Variants in RALYL observed in about 807,000 individuals in gnomAD.
The protein encoded by RALYL is RALY RNA binding protein like.
RALYL carries 29 observed loss-of-function variants against 35.1 expected under a neutral mutation model. That is an observed-to-expected ratio of 0.83 (90% CI 0.61 to 1.13). The LOEUF is 1.13. RALYL is among the 50% of genes most tolerant of loss of function. The pLI, the probability that RALYL is intolerant of heterozygous loss-of-function variation, is 0.00. For synonymous variants in RALYL, 120 were observed against 127.6 expected (o/e 0.94, Z 0.40); for missense variants, 359 against 360.4 (o/e 1.00, Z 0.03).
intron 1 of RALYL, among the ~76,000 whole-genome samples, chr8:84,243,100 C>G (rs188388242): frequency 3.7e-4 from 57 of 152,154 alleles, no homozygotes; most frequent in African/African-American, 1.2e-3. Context: ...ACAGGGAATT[C>G]TTTCCCCATT....
rs567571701 is a variant in RALYL at position 84,817,358 on chromosome 8, G to A, written c.365+12556G>A. 2.2e-4 allele frequency among the ~76,000 whole-genome samples: 34 copies of A among 151,974 alleles called. No homozygotes were observed. The South Asian group carries it at 6.7e-3, about 30-fold the overall frequency. ...GGTTTTGTAGGAAACCTCATATTTA[G>A]TAACAGATGCTATATATTATTATAG... is the stretch of plus-strand genomic sequence containing the variant. On this transcript the variant is annotated intron_variant, in intron 4 of 8. Coordinates refer to ENST00000521268, the MANE Select transcript of RALYL (RefSeq NM_173848.7).
chr8:84,633,020 AT>A (rs1824253447), intron 2 of RALYL, among the ~76,000 whole-genome samples: 1 of 151,914 alleles, frequency 6.6e-6, no homozygotes, highest in African/African-American at 2.4e-5. Flanking sequence ...ACTAACTGCA[AT>A]TGGCTGCATT....
At chr8:84,676,407 C>CT (rs1554774104) in intron 2 of RALYL, among the ~76,000 whole-genome samples, 1 of 152,136 alleles carries the variant, frequency 6.6e-6, no homozygotes. Flanking sequence ...GGCATAACCC[C>CT]TTTTTTCCTA....
chr8:84,393,297 T>C (rs1163524097), intron 1 of RALYL, among the ~76,000 whole-genome samples: 1 of 152,074 alleles, frequency 6.6e-6, no homozygotes, highest in Non-Finnish European at 1.5e-5. Context: ...CTTCAAGTGC[T>C]GTTGGACTGA....
intron 1 of RALYL, among the ~76,000 whole-genome samples, chr8:84,486,009 C>CTTTTT (rs3043836): frequency 8.6e-5 from 9 of 104,940 alleles, no homozygotes; most frequent in African/African-American, 1.4e-4. Flanking sequence ...AAATCAAAAG[C>CTTTTT]TTTTTTTTTT....
chr8:84,555,483 A>G (rs1564138335), intron 2 of RALYL, among the ~76,000 whole-genome samples: 1 of 152,158 alleles, frequency 6.6e-6, no homozygotes, highest in African/African-American at 2.4e-5. Flanking sequence ...CATCCTGTGG[A>G]ACCTCTTTAG....
chr8:84,395,598 T>C (rs1449833104), intron 1 of RALYL, among the ~76,000 whole-genome samples: 1 of 151,946 alleles, frequency 6.6e-6, no homozygotes, highest in East Asian at 1.9e-4. Context: ...TTTGTTGTTT[T>C]CTATTAAATA....
intron 2 of RALYL, among the ~76,000 whole-genome samples, chr8:84,693,307 C>T (rs1167588270): frequency 1.3e-5 from 2 of 151,834 alleles, no homozygotes; most frequent in East Asian, 1.9e-4. Context: ...CCTCACAAAA[C>T]TTACAATCAT....
At chr8:84,250,198 A>G (rs1829903635) in intron 1 of RALYL, among the ~76,000 whole-genome samples, 1 of 152,094 alleles carries the variant, frequency 6.6e-6, no homozygotes, top group African/African-American at 2.4e-5. Flanking sequence ...GCGGTTCACA[A>G]TAGTGTTCTA....
At chr8:84,204,932 A>G (rs1817716262) in intron 1 of RALYL, among the ~76,000 whole-genome samples, 1 of 152,010 alleles carries the variant, frequency 6.6e-6, no homozygotes, top group Non-Finnish European at 1.5e-5. Flanking sequence ...TTTTATTCCT[A>G]TTTTATAGAT....
intron 1 of RALYL, among the ~76,000 whole-genome samples, chr8:84,507,702 T>A (rs2057289553): frequency 6.6e-6 from 1 of 152,182 alleles, no homozygotes; most frequent in Non-Finnish European, 1.5e-5. Flanking sequence ...TGTTTGGCAC[T>A]GAGAAGATCT....
intron 2 of RALYL, among the ~76,000 whole-genome samples, chr8:84,739,036 CA>C (rs1317361643): frequency 6.6e-6 from 1 of 151,730 alleles, no homozygotes; most frequent in African/African-American, 2.4e-5. Flanking sequence ...GAAATTCCAA[CA>C]AAAATCTAAA....
intron 3 of RALYL, among the ~76,000 whole-genome samples, chr8:84,794,986 T>C (rs1361773959): frequency 1.3e-5 from 2 of 152,238 alleles, no homozygotes; most frequent in African/African-American, 4.8e-5. Context: ...TCCATTAACC[T>C]GTCCCTGGAG....
Position 84,686,487 on chromosome 8 carries a change from C to T in RALYL, c.257-88092C>T, listed in dbSNP as rs113704874. Among the ~76,000 whole-genome samples, 671 of 152,272 alleles carry T rather than the reference C, an allele frequency of 4.4e-3. 4 individuals are homozygous for T. Among genetic ancestry groups the T allele is most frequent in the African/African-American group, 0.015 (639 of 41,546 alleles). On this transcript the variant is annotated intron_variant, in intron 2 of 8. Coordinates refer to ENST00000521268, the MANE Select transcript of RALYL (RefSeq NM_173848.7). ...TGGTGCAATCTCAGTTCACTGCAAC[C>T]TCCACCTCCCGGGTTCAAGCAATTC...
intron 2 of RALYL, among the ~76,000 whole-genome samples, chr8:84,727,696 C>A (rs1452637900): frequency 4.1e-5 from 6 of 144,876 alleles, no homozygotes; most frequent in Non-Finnish European, 7.5e-5. Flanking sequence ...TTGTTCAGTT[C>A]CCACCTATGA....
At chr8:84,445,754 G>A (rs564590641) in intron 1 of RALYL, among the ~76,000 whole-genome samples, 3 of 151,282 alleles carry the variant, frequency 2.0e-5, no homozygotes, top group African/African-American at 7.3e-5. Context: ...GAAAAACGTG[G>A]GCTCCCTCTT....
intron 1 of RALYL, among the ~76,000 whole-genome samples, chr8:84,321,849 T>TG (rs758748879): frequency 3.1e-4 from 47 of 152,054 alleles, no homozygotes; most frequent in Non-Finnish European, 5.4e-4. Context: ...AAATATGCCA[T>TG]GGTCAAAAGA....
intron 1 of RALYL, among the ~76,000 whole-genome samples, chr8:84,415,267 T>C (rs537501449): frequency 6.6e-6 from 1 of 150,982 alleles, no homozygotes; most frequent in East Asian, 2.0e-4. Context: ...TGGAGGCTCA[T>C]TCTGTCACCC....
intron 1 of RALYL, among the ~76,000 whole-genome samples, chr8:84,504,365 T>C (rs1258705728): frequency 2.0e-5 from 3 of 152,156 alleles, no homozygotes; most frequent in African/African-American, 7.2e-5. Flanking sequence ...CATGTAATTT[T>C]CGTGGAACTG....
Sources: gnomAD v4.1 joint callset for allele counts (sites outside exome capture counted in the v4.1 genomes callset) on GRCh38, gnomAD v4.1.1 for gene constraint, MANE v1.5 for transcripts, NCBI Gene and HGNC (gene_info 2026-07-23, HGNC 2026-07-21) for gene names.